TMTC1: variants seen among roughly 807,000 people sequenced by gnomAD.
TMTC1 encodes the protein protein O-mannosyl-transferase TMTC1.
In TMTC1, 73 loss-of-function variants were observed where a neutral mutation model predicts 104.8. The ratio of observed to expected loss-of-function variants is 0.70; its 90% CI spans 0.58 to 0.85. The LOEUF is 0.85. TMTC1 is among the 40% of genes least tolerant of loss of function. TMTC1 has a pLI of 0.00. For missense variants in TMTC1, 1,035 were observed against 1,096.1 expected (o/e 0.94, Z 0.79); for synonymous variants, 434 against 428.7 (o/e 1.01, Z -0.15).
At chr12:29,666,512 T>TGTGA in intron 5 of TMTC1, among the ~76,000 whole-genome samples, 1 of 151,962 alleles carries the variant, frequency 6.6e-6, no homozygotes, top group East Asian at 1.9e-4. Flanking sequence ...GGATTACAGG[T>TGTGA]GTGAGCCACC....
At chr12:29,736,414 A>C (rs1351816089) in intron 5 of TMTC1, among the ~76,000 whole-genome samples, 1 of 152,014 alleles carries the variant, frequency 6.6e-6, no homozygotes, top group East Asian at 1.9e-4. Flanking sequence ...CCTTACTTAA[A>C]TTCTCTCTCT....
chr12:29,653,514 T>C (rs1939618172), intron 5 of TMTC1, among the ~76,000 whole-genome samples: 3 of 152,192 alleles, frequency 2.0e-5, no homozygotes, highest in South Asian at 4.1e-4. Context: ...GAAAGTTGTG[T>C]GATAAAGATA....
chr12:29,555,171 T>C (rs1945207496), intron 10 of TMTC1, among the ~76,000 whole-genome samples: 1 of 113,982 alleles, frequency 8.8e-6, no homozygotes, highest in Non-Finnish European at 1.7e-5. Context: ...AGAGTCTCAC[T>C]CTGTCACCCA....
Position 29,675,630 on chromosome 12 carries a change from A to ACACACACACACC in TMTC1, c.939-42295_939-42294insGGTGTGTGTGTG, listed in dbSNP as rs1555185783. On this transcript the variant is annotated intron_variant, in intron 5 of 17. Coordinates refer to ENST00000539277, the MANE Select transcript of TMTC1 (RefSeq NM_001193451.2). Reference sequence around the variant, plus strand: ...CACACACACACACACACACACACACACCCTCCATGACTTTCTGTTTCTTGT... The same window carrying ACACACACACACC: ...CACACACACACACACACACACACACACACACACACACCCCCTCCATGACTTTCTGTTTCTTGT... Among the ~76,000 whole-genome samples the ACACACACACACC allele has an allele frequency of 1.1e-4, 10 of 94,952 alleles. No homozygotes were observed. The East Asian group carries it at 2.0e-3, about 19-fold the overall frequency. 62.3% of individuals were successfully genotyped at this position (94,952 alleles called of 152,430 possible).
chr12:29,594,381 C>T (rs549438875), intron 7 of TMTC1, among the ~76,000 whole-genome samples: 1 of 152,330 alleles, frequency 6.6e-6, no homozygotes, highest in Non-Finnish European at 1.5e-5. Context: ...TTAATACAGA[C>T]CTGACTGCAT....
At chr12:29,689,596 C>T (rs1478202743) in intron 5 of TMTC1, among the ~76,000 whole-genome samples, 1 of 152,178 alleles carries the variant, frequency 6.6e-6, no homozygotes, top group African/African-American at 2.4e-5. Context: ...ACTCTAATTT[C>T]TACTGCTTTT....
chr12:29,628,155 G>A (rs1288150167), intron 6 of TMTC1, among the ~76,000 whole-genome samples: 1 of 152,108 alleles, frequency 6.6e-6, no homozygotes, highest in East Asian at 1.9e-4. Flanking sequence ...TGTAAAACTT[G>A]TATTACATAA....
chr12:29,641,589 A>G (rs996774637), intron 5 of TMTC1, among the ~76,000 whole-genome samples: 7 of 152,142 alleles, frequency 4.6e-5, no homozygotes, highest in African/African-American at 1.7e-4. Context: ...GAATCTGAAC[A>G]ACAGCCTTCA....
intron 5 of TMTC1, among the ~76,000 whole-genome samples, chr12:29,704,070 T>A (rs1422531567): frequency 1.3e-5 from 2 of 152,236 alleles, no homozygotes; most frequent in Non-Finnish European, 2.9e-5. Context: ...CGGGTATTTC[T>A]TCATAGCAGT....
intron 5 of TMTC1, among the ~76,000 whole-genome samples, chr12:29,643,842 T>C (rs1454445134): frequency 1.3e-5 from 1 of 79,394 alleles, no homozygotes; most frequent in Non-Finnish European, 2.2e-5. Context: ...TATATATTTA[T>C]ATATTTATAT....
chr12:29,510,750 A>T (rs1943810776), intron 17 of TMTC1, among the ~76,000 whole-genome samples: 1 of 152,198 alleles, frequency 6.6e-6, no homozygotes, highest in South Asian at 2.1e-4. Context: ...CAGAGACTGA[A>T]AATCAGTTAG....
At chr12:29,591,275 C>T (rs159699) in intron 7 of TMTC1, among the ~76,000 whole-genome samples, 74,731 of 151,896 alleles carry the variant, frequency 0.49, 20,017 homozygotes, top group African/African-American at 0.71. Flanking sequence ...GCACTCTTTC[C>T]CTCCATCGCT....
At chr12:29,515,609 C>A (rs752444907) in intron 15 of TMTC1, among the ~76,000 whole-genome samples, 39 of 152,202 alleles carry the variant, frequency 2.6e-4, no homozygotes, top group Non-Finnish European at 4.9e-4. Context: ...CTCCCAGACT[C>A]ATCGGGTCCC....
At chr12:29,754,061 T>C (rs753214474) in intron 4 of TMTC1, among the ~76,000 whole-genome samples, 1 of 151,854 alleles carries the variant, frequency 6.6e-6, no homozygotes, top group South Asian at 2.1e-4. Context: ...GAGATGGGGT[T>C]TTACCATGTT....
intron 5 of TMTC1, among the ~76,000 whole-genome samples, chr12:29,717,277 G>A (rs1942111322): frequency 6.6e-6 from 1 of 152,142 alleles, no homozygotes; most frequent in African/African-American, 2.4e-5. Flanking sequence ...GCGTTCACGG[G>A]ATTTCAAAAT....
At chr12:29,610,826 T>C (rs1017207549) in intron 6 of TMTC1, among the ~76,000 whole-genome samples, 1 of 152,186 alleles carries the variant, frequency 6.6e-6, no homozygotes, top group African/African-American at 2.4e-5. Flanking sequence ...AGAAAATGGC[T>C]CAGGTTCAGG....
At chr12:29,572,743 C>T (rs1945714906) in intron 8 of TMTC1, among the ~76,000 whole-genome samples, 1 of 152,208 alleles carries the variant, frequency 6.6e-6, no homozygotes, top group African/African-American at 2.4e-5. Flanking sequence ...AAACGCTTTT[C>T]CTTCTAGGGA....
chr12:29,611,460 T>C (rs1413602501), intron 6 of TMTC1, among the ~76,000 whole-genome samples: 1 of 152,216 alleles, frequency 6.6e-6, no homozygotes, highest in African/African-American at 2.4e-5. Context: ...GAAGGCACTT[T>C]ATTGAAAAAT....
At chr12:29,521,422 G>T (rs1465484780) in intron 11 of TMTC1, among the ~76,000 whole-genome samples, 1 of 152,122 alleles carries the variant, frequency 6.6e-6, no homozygotes, top group Non-Finnish European at 1.5e-5. Flanking sequence ...AACCTGTGTG[G>T]CAAGGTTCAG....
Sources: allele counts gnomAD v4.1 joint callset (sites outside exome capture counted in the v4.1 genomes callset), GRCh38; gene constraint gnomAD v4.1.1; transcripts MANE v1.5; gene names NCBI Gene and HGNC (gene_info 2026-07-23, HGNC 2026-07-21).